MAN1C1: variants seen among roughly 807,000 people sequenced by gnomAD.
MAN1C1 encodes mannosidase alpha class 1C member 1.
In MAN1C1, 49 loss-of-function variants were observed where a neutral mutation model predicts 71.5. The ratio of observed to expected loss-of-function variants is 0.69; its 90% confidence interval spans 0.54 to 0.87. MAN1C1 has a LOEUF of 0.87. Ranked by LOEUF, MAN1C1 falls within the 40% of genes least tolerant of loss-of-function variation. The probability of loss-of-function intolerance (pLI) is 0.00; values close to 1 mark genes in which losing one functional copy is unlikely to be tolerated. For synonymous variants in MAN1C1, 352 were observed against 343.7 expected (o/e 1.02, Z -0.27); for missense variants, 743 against 835.0 (o/e 0.89, Z 1.36).
At chr1:25,781,264 G>A (rs532822970) in intron 10 of MAN1C1, 152 bp downstream of exon 10, 1 of 806,402 alleles carries the variant, frequency 1.2e-6, no homozygotes, top group Non-Finnish European at 2.0e-6. Flanking sequence ...CAAGGTGGTG[G>A]TTACAGAGCC....
At chr1:25,702,462 G>A (rs1196454104) in intron 2 of MAN1C1, among the ~76,000 whole-genome samples, 3 of 152,228 alleles carry the variant, frequency 2.0e-5, no homozygotes, top group African/African-American at 7.2e-5. Flanking sequence ...AGCAAAGCCA[G>A]GCAGCTCCTC....
chr1:25,706,460 A>G (rs1350247087), intron 2 of MAN1C1, among the ~76,000 whole-genome samples: 1 of 152,062 alleles, frequency 6.6e-6, no homozygotes. Flanking sequence ...GGCTCAGCCA[A>G]GTTGTGCTGG....
At chr1:25,629,341 C>A (rs558383935) in intron 1 of MAN1C1, among the ~76,000 whole-genome samples, 1 of 152,214 alleles carries the variant, frequency 6.6e-6, no homozygotes, top group East Asian at 1.9e-4. Flanking sequence ...ATTTGCATTT[C>A]CCTGATGATT....
In MAN1C1 at chr1:25,769,076, A is replaced by T. The variant is rs530270384; in HGVS notation, c.1142-2581A>T. On this transcript the variant is annotated intron_variant, in intron 7 of 11. Transcript: ENST00000374332. This position sits in a 1 kb window ranked among gnomAD's most constrained non-coding sequence, Gnocchi z 4.8. ...CACACTACACACCACCCACACTCCCACACACACACCTATCACCCACACTCC... is the reference window on the plus strand; with the variant it reads ...CACACTACACACCACCCACACTCCCTCACACACACCTATCACCCACACTCC... Among the ~76,000 whole-genome samples the T allele has an allele frequency of 7.6e-6, 1 of 131,706 alleles. No individual in the cohort carries two copies. Among genetic ancestry groups the T allele is most frequent in the Admixed American group, 7.6e-5 (1 of 13,072 alleles). The allele number at this position is 131,706 out of a possible 152,430, so 86.4% of individuals were successfully genotyped here.
chr1:25,669,079 T>C (rs1572135863), intron 1 of MAN1C1, among the ~76,000 whole-genome samples: 1 of 152,182 alleles, frequency 6.6e-6, no homozygotes, highest in Non-Finnish European at 1.5e-5. Context: ...GAGAGGAATT[T>C]TGTGAAGATT....
intron 1 of MAN1C1, among the ~76,000 whole-genome samples, chr1:25,637,534 G>A (rs539954689): frequency 6.6e-6 from 1 of 151,850 alleles, no homozygotes; most frequent in East Asian, 1.9e-4. Flanking sequence ...TTGTATGGTT[G>A]TTGGGTGGAA....
At position 25,668,848 on chromosome 1, in the gene MAN1C1, G is replaced by A. The variant is rs564937778; in HGVS notation, c.541-17592G>A. On this transcript the variant is annotated intron_variant, in intron 1 of 11. Coordinates refer to ENST00000374332, the MANE Select transcript of MAN1C1 (RefSeq NM_020379.4). ...GCTGGGATTACAGGCGTGAGCCACC[G>A]CACCCTGCCCAAGCCTTCTACTTTT... Among the ~76,000 whole-genome samples the A allele has an allele frequency of 5.8e-4, 89 of 152,210 alleles. 1 individual carries two copies. The South Asian group carries it at 0.01, about 18-fold the overall frequency.
At chr1:25,661,948 G>T (rs1401130496) in intron 1 of MAN1C1, among the ~76,000 whole-genome samples, 2 of 151,760 alleles carry the variant, frequency 1.3e-5, no homozygotes, top group African/African-American at 4.9e-5. Context: ...TCCCCTTGAG[G>T]AATTTTTTTA....
chr1:25,780,270 A>T (rs937672306), intron 9 of MAN1C1, among the ~76,000 whole-genome samples: 4 of 152,168 alleles, frequency 2.6e-5, no homozygotes, highest in African/African-American at 9.7e-5. Flanking sequence ...ATATGACAAG[A>T]ATGACAGCAA....
At position 25,769,790 on chromosome 1, in the gene MAN1C1, G is replaced by A. The variant is rs1448345511; in HGVS notation, c.1142-1867G>A. ...AGTGAGGGAGGCAGACCCGTACGCA[G>A]GCACTCATCGCACACCCGGCGGGCA... On this transcript the variant is annotated intron_variant, in intron 7 of 11. Transcript: ENST00000374332. This position sits in a 1 kb window ranked among gnomAD's most constrained non-coding sequence, Gnocchi z 4.8. Among the ~76,000 whole-genome samples the A allele has an allele frequency of 6.6e-6, 1 of 152,224 alleles. No homozygotes were observed. The highest frequency in any genetic ancestry group is 1.9e-4 in the East Asian group (1 of 5,182).
chr1:25,699,784 G>A (rs2046414734), intron 2 of MAN1C1, among the ~76,000 whole-genome samples: 1 of 152,222 alleles, frequency 6.6e-6, no homozygotes, highest in Non-Finnish European at 1.5e-5. Flanking sequence ...TGCTTCATGG[G>A]TCACAGTGGC....
chr1:25,734,425 G>C (rs2046953369), intron 2 of MAN1C1, among the ~76,000 whole-genome samples: 1 of 152,210 alleles, frequency 6.6e-6, no homozygotes, highest in African/African-American at 2.4e-5. Context: ...CACTGCACCT[G>C]GCCCAATGAT....
At chr1:25,701,208 G>A (rs1331871568) in intron 2 of MAN1C1, among the ~76,000 whole-genome samples, 1 of 152,212 alleles carries the variant, frequency 6.6e-6, no homozygotes, top group Non-Finnish European at 1.5e-5. Context: ...TTCCTCCCCA[G>A]CCCAGGGGCC....
At chr1:25,621,674 A>AGT (rs1475647127) in intron 1 of MAN1C1, among the ~76,000 whole-genome samples, 1 of 151,680 alleles carries the variant, frequency 6.6e-6, no homozygotes, top group African/African-American at 2.4e-5. Flanking sequence ...TCGAGGCTGC[A>AGT]GTGCAGTGGC....
chr1:25,652,971 T>C (rs558140250), intron 1 of MAN1C1, among the ~76,000 whole-genome samples: 86 of 152,284 alleles, frequency 5.6e-4, no homozygotes, highest in African/African-American at 1.8e-3. Context: ...TTGCCCAGGC[T>C]GGTCTTGAAC....
In MAN1C1 at chr1:25,618,403, G is replaced by A. The variant is rs370933957; in HGVS notation, c.540+66G>A. On this transcript the variant is annotated intron_variant, in intron 1 of 11. Coordinates refer to ENST00000374332, the MANE Select transcript of MAN1C1 (RefSeq NM_020379.4). ...CTCTAAGGAGAGAAGACCCTCTGGC[G>A]CTCCCACCCCTTTCCCTTGCCTCAG... The A allele has an allele frequency of 1.6e-5, 23 of 1,463,240 alleles. No individual in the cohort carries two copies. The South Asian group carries it at 2.5e-4, about 16-fold the overall frequency. 90.6% of individuals were successfully genotyped at this position (1,463,240 alleles called of 1,614,324 possible). A position where few individuals can be genotyped will look rare whatever the true frequency, so the allele number is the denominator to read the frequency against.
At chr1:25,772,084 G>A (rs1244716850) in intron 8 of MAN1C1, 1 of 314,790 alleles carries the variant, frequency 3.2e-6, no homozygotes, top group African/African-American at 2.2e-5. Context: ...CACCTGCTTG[G>A]TGTCTATGCT....
intron 1 of MAN1C1, among the ~76,000 whole-genome samples, chr1:25,686,094 G>A (rs1044260080): frequency 6.6e-6 from 1 of 152,148 alleles, no homozygotes; most frequent in African/African-American, 2.4e-5. Context: ...CCTTCCCTTC[G>A]GAGGATGACT....
At chr1:25,680,339 A>G (rs923563028) in intron 1 of MAN1C1, among the ~76,000 whole-genome samples, 1 of 152,164 alleles carries the variant, frequency 6.6e-6, no homozygotes, top group African/African-American at 2.4e-5. Context: ...CTGGGATTAC[A>G]CGTGTGAGCC....
Sources: gnomAD v4.1 joint callset for allele counts (sites outside exome capture counted in the v4.1 genomes callset) on GRCh38, gnomAD v4.1.1 for gene constraint, Gnocchi (gnomAD v3.1) non-coding constraint, MANE v1.5 for transcripts, NCBI Gene and HGNC (gene_info 2026-07-23, HGNC 2026-07-21) for gene names.